The following ANKHD1 variants were observed in gnomAD, a reference collection of about 807,000 sequenced individuals.
ANKHD1 encodes ankyrin repeat and KH domain containing 1, also known as ankyrin repeat and KH domain-containing protein 1.
A neutral mutation model predicts 230.5 loss-of-function variants in ANKHD1; 31 were observed. The ratio of observed to expected loss-of-function variants is 0.13; its 90% CI spans 0.10 to 0.18. ANKHD1 has a LOEUF of 0.18. Ranked by LOEUF, ANKHD1 falls within the 10% of genes least tolerant of loss-of-function variation. The probability of loss-of-function intolerance (pLI) is 1.00; values close to 1 mark genes in which losing one functional copy is unlikely to be tolerated. For missense variants in ANKHD1, 2,256 were observed against 3,071.3 expected, an observed-to-expected ratio of 0.73 and a Z score of 6.27; for synonymous variants, 1,074 against 1,117.6, an observed-to-expected ratio of 0.96 and a Z score of 0.78.
intron 15 of ANKHD1, among the ~76,000 whole-genome samples, chr5:140,502,061 C>A (rs1011564938): frequency 3.9e-4 from 59 of 150,016 alleles, no homozygotes; most frequent in Admixed American, 2.7e-4. Flanking sequence ...AAAAAGCATA[C>A]CGTATAAGTT....
At chr5:140,538,651 G>C (rs551388938) in intron 32 of ANKHD1, among the ~76,000 whole-genome samples, 1 of 152,326 alleles carries the variant, frequency 6.6e-6, no homozygotes, top group East Asian at 1.9e-4. Flanking sequence ...ATATGGGAAA[G>C]TTGAGGTTAT....
intron 29 of ANKHD1, chr5:140,531,234 T>C: frequency 2.7e-6 from 1 of 374,088 alleles, no homozygotes; most frequent in Admixed American, 3.5e-5. Context: ...ATGGTTTCTT[T>C]TGTTGATGCT....
intron 1 of ANKHD1, among the ~76,000 whole-genome samples, chr5:140,414,870 T>A (rs889403525): frequency 2.6e-5 from 4 of 152,016 alleles, no homozygotes; most frequent in African/African-American, 9.7e-5. Flanking sequence ...GTTTGTTTTT[T>A]ATTGTTTAGT....
At chr5:140,406,791 C>A (rs1770494332) in intron 1 of ANKHD1, among the ~76,000 whole-genome samples, 1 of 152,096 alleles carries the variant, frequency 6.6e-6, no homozygotes, top group Non-Finnish European at 1.5e-5. Context: ...TCGCCTAGGT[C>A]TCCCAAAGTG....
chr5:140,419,780 T>TTCTTTC, intron 1 of ANKHD1, among the ~76,000 whole-genome samples: 1 of 40,352 alleles, frequency 2.5e-5, no homozygotes, highest in South Asian at 9.4e-4. Context: ...TTCTTTTTCT[T>TTCTTTC]TCTTTCTTTC....
chr5:140,417,048 C>A (rs1771452889), intron 1 of ANKHD1, among the ~76,000 whole-genome samples: 1 of 152,042 alleles, frequency 6.6e-6, no homozygotes, highest in Non-Finnish European at 1.5e-5. Flanking sequence ...GAGAGGCTGC[C>A]AGACTCAGTC....
At position 140,527,270 on chromosome 5, in the gene ANKHD1, G is replaced by A. The variant is rs1753646947; in HGVS notation, c.5087+196G>A. 2 of 934,278 alleles carry A rather than the reference G, an allele frequency of 2.1e-6. No individual in the cohort carries two copies. Among genetic ancestry groups the A allele is most frequent in the Non-Finnish European group, 2.9e-6 (2 of 697,672 alleles). 57.9% of individuals were successfully genotyped at this position (934,278 alleles called of 1,614,324 possible). ...TGCATGCATATTTTATATGACACAA[G>A]AAATTTTGGCTTTTTTGGATAACCT... On this transcript the variant is annotated intron_variant, in intron 27 of 33. Coordinates refer to ENST00000360839, the MANE Select transcript of ANKHD1 (RefSeq NM_017747.3). The surrounding 1 kb of genome is among the most constrained non-coding windows in gnomAD (Gnocchi z 4.5).
chr5:140,465,894 C>G (rs1408703525), intron 10 of ANKHD1, among the ~76,000 whole-genome samples: 1 of 151,924 alleles, frequency 6.6e-6, no homozygotes, highest in Non-Finnish European at 1.5e-5. Context: ...TATCTTTTTC[C>G]TTTTATAGAG....
intron 1 of ANKHD1, among the ~76,000 whole-genome samples, chr5:140,427,375 A>AC (rs576926009): frequency 0.018 from 759 of 42,122 alleles, 34 homozygotes; most frequent in African/African-American, 0.062. Flanking sequence ...CGGGGGGCTG[A>AC]CCCCCCCCCA....
At chr5:140,450,905 C>T (rs921939144) in intron 7 of ANKHD1, among the ~76,000 whole-genome samples, 3 of 152,010 alleles carry the variant, frequency 2.0e-5, no homozygotes, top group Non-Finnish European at 4.4e-5. Flanking sequence ...GTAATCCTAG[C>T]ACTTTGAGAG....
intron 7 of ANKHD1, among the ~76,000 whole-genome samples, chr5:140,451,629 C>T (rs553716509): frequency 6.6e-6 from 1 of 152,220 alleles, no homozygotes; most frequent in African/African-American, 2.4e-5. Context: ...TGCCCTCAGC[C>T]TCCCAAGTAG....
chr5:140,412,827 A>T, intron 1 of ANKHD1, among the ~76,000 whole-genome samples: 1 of 152,358 alleles, frequency 6.6e-6, no homozygotes, highest in East Asian at 1.9e-4. Context: ...TCTTCCTGCC[A>T]AGTTTACCTA....
At chr5:140,442,510 C>T (rs1481895525) in intron 5 of ANKHD1, among the ~76,000 whole-genome samples, 1 of 152,082 alleles carries the variant, frequency 6.6e-6, no homozygotes, top group Non-Finnish European at 1.5e-5. Context: ...AATCCCTCGC[C>T]CGTCATTTAT....
At chr5:140,426,930 AC>A (rs1236262938) in intron 1 of ANKHD1, among the ~76,000 whole-genome samples, 1 of 152,218 alleles carries the variant, frequency 6.6e-6, no homozygotes, top group African/African-American at 2.4e-5. Context: ...CTACACAGAC[AC>A]GGCAACCATC....
chr5:140,450,763 GATTT>G (rs575589120), intron 7 of ANKHD1, among the ~76,000 whole-genome samples: 13 of 151,926 alleles, frequency 8.6e-5, no homozygotes, highest in African/African-American at 2.7e-4. Context: ...TTTAAGAAAA[GATTT>G]ATTTATTTAT....
At chr5:140,410,247 T>A (rs1320906731) in intron 1 of ANKHD1, among the ~76,000 whole-genome samples, 1 of 152,162 alleles carries the variant, frequency 6.6e-6, no homozygotes, top group Non-Finnish European at 1.5e-5. Context: ...GATGGTAAGA[T>A]GCTATTTATG....
intron 24 of ANKHD1, among the ~76,000 whole-genome samples, chr5:140,520,843 A>G (rs1039697746): frequency 2.0e-5 from 3 of 150,348 alleles, no homozygotes; most frequent in African/African-American, 4.9e-5. Context: ...TGACGAGTTA[A>G]TGGGTGCAGC....
At chr5:140,494,520 G>A (rs956601027) in intron 14 of ANKHD1, among the ~76,000 whole-genome samples, 16 of 152,116 alleles carry the variant, frequency 1.1e-4, no homozygotes, top group African/African-American at 3.4e-4. Context: ...GAAAGTGATT[G>A]CAGTGATATT....
At chr5:140,524,953 T>C in intron 25 of ANKHD1, 1 of 344,120 alleles carries the variant, frequency 2.9e-6, no homozygotes, top group South Asian at 2.1e-5. Context: ...AAAAAAAAAA[T>C]TACAAAATTA....
Sources: allele counts gnomAD v4.1 joint callset (sites outside exome capture counted in the v4.1 genomes callset), GRCh38; gene constraint gnomAD v4.1.1; non-coding constraint Gnocchi (gnomAD v3.1); transcripts MANE v1.5; gene names NCBI Gene and HGNC (gene_info 2026-07-23, HGNC 2026-07-21).